The following MACROD2 variants were observed in gnomAD, a reference collection of about 807,000 sequenced individuals.
MACROD2 encodes the protein ADP-ribose glycohydrolase MACROD2.
A neutral mutation model predicts 70.4 loss-of-function variants in MACROD2; 36 were observed. The observed-to-expected ratio is 0.51, with a 90% CI of 0.39 to 0.68. MACROD2 has a LOEUF of 0.68. Among genes scored for constraint, MACROD2 ranks in the 30% least tolerant of loss-of-function variants. The probability of loss-of-function intolerance (pLI) is 0.00; values close to 1 mark genes in which losing one functional copy is unlikely to be tolerated. For missense variants in MACROD2, 496 were observed against 538.4 expected (o/e 0.92, Z 0.78); for synonymous variants, 172 against 178.8 (o/e 0.96, Z 0.30).
intron 8 of MACROD2, among the ~76,000 whole-genome samples, chr20:15,611,229 T>G (rs776054984): frequency 1.6e-4 from 24 of 152,078 alleles, no homozygotes; most frequent in Non-Finnish European, 5.9e-5. Flanking sequence ...TTAGGGTAGA[T>G]AGCAATGCTT....
chr20:14,913,355 C>T (rs572875048), intron 5 of MACROD2, among the ~76,000 whole-genome samples: 7 of 152,066 alleles, frequency 4.6e-5, no homozygotes, highest in South Asian at 2.1e-4. Context: ...CAAAGTTTTC[C>T]GATATCCTTA....
At chr20:14,305,237 T>G (rs1229563800) in intron 3 of MACROD2, among the ~76,000 whole-genome samples, 1 of 152,188 alleles carries the variant, frequency 6.6e-6, no homozygotes, top group East Asian at 1.9e-4. Context: ...TAGACCTCTT[T>G]CACTTTCTAT....
chr20:14,707,075 A>G (rs1449522355), intron 5 of MACROD2, among the ~76,000 whole-genome samples: 1 of 152,134 alleles, frequency 6.6e-6, no homozygotes, highest in Non-Finnish European at 1.5e-5. Flanking sequence ...GGATTGAAAG[A>G]ACAGGATCCC....
At position 14,873,732 on chromosome 20, in the gene MACROD2, C is replaced by A. The variant is rs535626641; in HGVS notation, c.418+188773C>A. Among the ~76,000 whole-genome samples, 50 of 151,996 alleles carry A rather than the reference C, an allele frequency of 3.3e-4. 2 individuals are homozygous for A. In the East Asian group the frequency reaches 3.3e-3, roughly 10 times the overall value. ...AAATTAGCCAGGTGTGGTGGCGGGC[C>A]TCTCTAATCCCAGCTACTCAGGAGG... On this transcript the variant is annotated intron_variant, in intron 5 of 17. Coordinates refer to ENST00000684519, the MANE Select transcript of MACROD2 (RefSeq NM_001351661.2).
At chr20:15,314,309 G>A (rs6043201) in intron 6 of MACROD2, among the ~76,000 whole-genome samples, 19,227 of 152,122 alleles carry the variant, frequency 0.13, 1,294 homozygotes, top group Middle Eastern at 0.22. Context: ...AAAAATGAGC[G>A]GACAGGCACA....
At chr20:15,869,244 G>T (rs1304850117) in intron 9 of MACROD2, among the ~76,000 whole-genome samples, 182 of 77,702 alleles carry the variant, frequency 2.3e-3, no homozygotes, top group African/African-American at 2.4e-3. Context: ...TATATAGAGA[G>T]AGAGAGAGAG....
intron 3 of MACROD2, among the ~76,000 whole-genome samples, chr20:14,212,748 C>A (rs2081580807): frequency 6.6e-6 from 1 of 151,396 alleles, no homozygotes; most frequent in Non-Finnish European, 1.5e-5. Flanking sequence ...GAGGATTAAA[C>A]AGAGTAAATA....
At chr20:15,497,129 A>G (rs1439464463) in intron 7 of MACROD2, among the ~76,000 whole-genome samples, 1 of 152,210 alleles carries the variant, frequency 6.6e-6, no homozygotes, top group East Asian at 1.9e-4. Flanking sequence ...GCCAGGGATG[A>G]CATTTGTTTT....
At chr20:14,535,429 C>T (rs1238317462) in intron 4 of MACROD2, among the ~76,000 whole-genome samples, 1 of 147,670 alleles carries the variant, frequency 6.8e-6, no homozygotes, top group Non-Finnish European at 1.5e-5. Context: ...TGCTTGAATC[C>T]AGGAGGCAGA....
chr20:15,708,212 C>CCG (rs1276437822), intron 8 of MACROD2, among the ~76,000 whole-genome samples: 2 of 152,050 alleles, frequency 1.3e-5, no homozygotes, highest in Non-Finnish European at 2.9e-5. Flanking sequence ...AGACCCAGTT[C>CCG]CCCTGCCCTT....
At chr20:14,576,026 A>G (rs1375165484) in intron 4 of MACROD2, among the ~76,000 whole-genome samples, 1 of 152,200 alleles carries the variant, frequency 6.6e-6, no homozygotes, top group Non-Finnish European at 1.5e-5. Context: ...TGGAGAGCCT[A>G]GGTTCCTCAT....
chr20:15,762,662 C>G (rs747866899), intron 8 of MACROD2, among the ~76,000 whole-genome samples: 27 of 152,140 alleles, frequency 1.8e-4, no homozygotes, highest in Non-Finnish European at 3.1e-4. Flanking sequence ...CCTCTTGCAC[C>G]CTGTTATGGC....
chr20:15,138,140 G>A (rs1439695382), intron 5 of MACROD2, among the ~76,000 whole-genome samples: 1 of 152,088 alleles, frequency 6.6e-6, no homozygotes, highest in Admixed American at 6.6e-5. Flanking sequence ...TACTTCTGTA[G>A]AGAGTTTTTG....
intron 12 of MACROD2, among the ~76,000 whole-genome samples, chr20:15,940,685 A>G (rs1363628533): frequency 8.5e-5 from 13 of 152,172 alleles, no homozygotes; most frequent in Admixed American, 8.5e-4. Flanking sequence ...GTGAAAAAGT[A>G]TTTTTCAGTT....
At chr20:14,726,102 G>A (rs956970464) in intron 5 of MACROD2, among the ~76,000 whole-genome samples, 1 of 152,024 alleles carries the variant, frequency 6.6e-6, no homozygotes, top group Non-Finnish European at 1.5e-5. Flanking sequence ...CTTCATAATG[G>A]TCATACCAAA....
rs11473589 is a variant in MACROD2 at position 15,006,141 on chromosome 20, A to ATGTGTGTGTGTG, written c.419-223769_419-223758dup. On this transcript the variant is annotated intron_variant, in intron 5 of 17. Transcript: ENST00000684519. ...CAAAGAATGCATTTTATATATATAT[A>ATGTGTGTGTGTG]TGTGTGTGTGTGTGTGTGTGTGTGT... Among the ~76,000 whole-genome samples, 85 of 134,360 alleles carry ATGTGTGTGTGTG rather than the reference A, an allele frequency of 6.3e-4. 1 individual carries two copies. The highest frequency in any genetic ancestry group is 2.4e-3 in the East Asian group (11 of 4,548). 88.1% of individuals were successfully genotyped at this position (134,360 alleles called of 152,430 possible).
chr20:14,874,583 A>G (rs1487843325), intron 5 of MACROD2, among the ~76,000 whole-genome samples: 1 of 151,952 alleles, frequency 6.6e-6, no homozygotes, highest in Non-Finnish European at 1.5e-5. Flanking sequence ...ATTGTGAACT[A>G]TCACAAGGTA....
At chr20:14,532,138 A>G (rs1180478303) in intron 4 of MACROD2, among the ~76,000 whole-genome samples, 1 of 152,150 alleles carries the variant, frequency 6.6e-6, no homozygotes, top group African/African-American at 2.4e-5. Flanking sequence ...GGACAATAGC[A>G]GTATAATGAT....
chr20:14,147,547 A>ATC (rs2148709301), intron 3 of MACROD2, among the ~76,000 whole-genome samples: 1 of 152,344 alleles, frequency 6.6e-6, no homozygotes, highest in African/African-American at 2.4e-5. Flanking sequence ...TACAAAGATG[A>ATC]TAAGATATTA....
Sources: allele counts gnomAD v4.1 joint callset (sites outside exome capture counted in the v4.1 genomes callset), GRCh38; gene constraint gnomAD v4.1.1; transcripts MANE v1.5; gene names NCBI Gene and HGNC (gene_info 2026-07-23, HGNC 2026-07-21).